HEMK2: variants seen among roughly 807,000 people sequenced by gnomAD.
HEMK2 encodes the protein methyltransferase HEMK2.
chr21:28,876,422 T>C, the HEMK2 span: 1 of 1,611,960 alleles, frequency 6.2e-7, no homozygotes. Context: ...AAGAGTTTCT[T>C]GGCCTGCTTG....
chr21:28,671,010 A>C, the HEMK2 span: 1 of 152,236 alleles, frequency 6.6e-6, no homozygotes, highest in Admixed American at 6.5e-5. Context: ...TATCAAAGAA[A>C]GTGATGCAAC....
the HEMK2 span, among the ~76,000 whole-genome samples, chr21:28,718,282 A>T: frequency 1.3e-5 from 2 of 152,108 alleles, no homozygotes; most frequent in African/African-American, 2.4e-5. Context: ...GTCATCTGAG[A>T]GTATGCTTAG....
At chr21:28,682,818 C>T in the HEMK2 span, among the ~76,000 whole-genome samples, 3 of 152,004 alleles carry the variant, frequency 2.0e-5, no homozygotes, top group Non-Finnish European at 2.9e-5. Context: ...AACCAAACAC[C>T]GCATGTTCTC....
chr21:28,799,749 T>C, the HEMK2 span, among the ~76,000 whole-genome samples: 1 of 152,218 alleles, frequency 6.6e-6, no homozygotes, highest in Non-Finnish European at 1.5e-5. Flanking sequence ...TCCCTATTTT[T>C]CCCTATGTGA....
the HEMK2 span, among the ~76,000 whole-genome samples, chr21:28,694,714 G>C: frequency 6.6e-6 from 1 of 152,002 alleles, no homozygotes; most frequent in Non-Finnish European, 1.5e-5. Flanking sequence ...ATTCAGGGCC[G>C]GACGCAGTGG....
chr21:28,703,202 C>T, the HEMK2 span, among the ~76,000 whole-genome samples: 1 of 152,086 alleles, frequency 6.6e-6, no homozygotes, highest in Admixed American at 6.6e-5. Flanking sequence ...AAAACACTAC[C>T]TATCAGGTAC....
the HEMK2 span, among the ~76,000 whole-genome samples, chr21:28,705,062 A>G: frequency 6.6e-6 from 1 of 152,136 alleles, no homozygotes; most frequent in Non-Finnish European, 1.5e-5. Context: ...CAACAAAATT[A>G]CGTGAGGGTG....
At chr21:28,654,812 G>A in the HEMK2 span, among the ~76,000 whole-genome samples, 2 of 152,044 alleles carry the variant, frequency 1.3e-5, no homozygotes, top group African/African-American at 4.8e-5. Context: ...TAGGGTTATT[G>A]TAGATACCTA....
chr21:28,757,115 C>T, the HEMK2 span, among the ~76,000 whole-genome samples: 2 of 152,128 alleles, frequency 1.3e-5, no homozygotes, highest in Non-Finnish European at 2.9e-5. Context: ...AAAGATGCTA[C>T]ACCGTACAGT....
At chr21:28,700,252 T>A in the HEMK2 span, among the ~76,000 whole-genome samples, 3 of 152,176 alleles carry the variant, frequency 2.0e-5, no homozygotes, top group African/African-American at 7.2e-5. Context: ...AATACCTCTA[T>A]TATGACAACT....
chr21:28,740,164 T>C, the HEMK2 span, among the ~76,000 whole-genome samples: 2 of 152,366 alleles, frequency 1.3e-5, no homozygotes, highest in Non-Finnish European at 2.9e-5. Flanking sequence ...CCTTTTAGTA[T>C]ATTTATAATG....
At chr21:28,790,990 A>T in the HEMK2 span, among the ~76,000 whole-genome samples, 1 of 152,126 alleles carries the variant, frequency 6.6e-6, no homozygotes, top group Non-Finnish European at 1.5e-5. Flanking sequence ...AATAATAAAA[A>T]AAAGAATATT....
the HEMK2 span, among the ~76,000 whole-genome samples, chr21:28,785,527 C>A: frequency 6.6e-6 from 1 of 152,218 alleles, no homozygotes. Context: ...TATATTCCCA[C>A]TTTGACTCTT....
the HEMK2 span, among the ~76,000 whole-genome samples, chr21:28,850,702 C>A: frequency 5.3e-5 from 8 of 152,266 alleles, no homozygotes; most frequent in South Asian, 2.1e-4. Context: ...CTGGCCACCA[C>A]AAAAACACAC....
At chr21:28,757,869 G>A in the HEMK2 span, among the ~76,000 whole-genome samples, 1 of 152,122 alleles carries the variant, frequency 6.6e-6, no homozygotes, top group Non-Finnish European at 1.5e-5. Context: ...GAGACAGACT[G>A]CAACCAGAGG....
At chr21:28,809,388 G>C in the HEMK2 span, among the ~76,000 whole-genome samples, 1 of 152,114 alleles carries the variant, frequency 6.6e-6, no homozygotes, top group Non-Finnish European at 1.5e-5. Context: ...CTTATGTAAA[G>C]GTTTTTAAGT....
At chr21:28,736,623 G>A in the HEMK2 span, among the ~76,000 whole-genome samples, 11 of 152,164 alleles carry the variant, frequency 7.2e-5, no homozygotes, top group Non-Finnish European at 1.3e-4. Flanking sequence ...AAATTAGCTG[G>A]GCATGGTGGC....
the HEMK2 span, among the ~76,000 whole-genome samples, chr21:28,657,109 G>A: frequency 9.5e-3 from 1,450 of 151,938 alleles, 17 homozygotes; most frequent in Admixed American, 0.012. Flanking sequence ...TATATTAAAC[G>A]GTTTTCATAC....
the HEMK2 span, among the ~76,000 whole-genome samples, chr21:28,838,994 TATATATACATATATATAC>T: frequency 7.8e-3 from 557 of 71,654 alleles, 11 homozygotes; most frequent in African/African-American, 0.021. Context: ...TATATATATA[TATATATACATATATATAC>T]ACAATCTGCC....
Sources: allele counts gnomAD v4.1 joint callset (sites outside exome capture counted in the v4.1 genomes callset), GRCh38; gene constraint gnomAD v4.1.1; transcripts MANE v1.5; gene names NCBI Gene and HGNC (gene_info 2026-07-23, HGNC 2026-07-21).